DIDO1: variants seen among roughly 807,000 people sequenced by gnomAD.
DIDO1 encodes death-inducer obliterator 1.
In DIDO1, 16 loss-of-function variants were observed where a neutral mutation model predicts 99.4. The ratio of observed to expected loss-of-function variants is 0.16; its 90% CI spans 0.11 to 0.24. The LOEUF (loss-of-function observed/expected upper bound fraction) is 0.24. DIDO1 is among the 10% of genes least tolerant of loss of function. The pLI is 1.00. For missense variants in DIDO1, 2,996 were observed against 3,014.0 expected (o/e 0.99, Z 0.14); for synonymous variants, 1,366 against 1,239.1 (o/e 1.10, Z -2.15).
intron 15 of DIDO1, 162 bp downstream of exon 15, chr20:62,890,798 T>G: frequency 2.0e-6 from 3 of 1,487,234 alleles, no homozygotes; most frequent in Non-Finnish European, 2.7e-6. Flanking sequence ...GCCACAGTCC[T>G]ACGCCCTCAA....
chr20:62,922,100 C>CACACACACA (rs2065156952), intron 1 of DIDO1, among the ~76,000 whole-genome samples: 7 of 69,544 alleles, frequency 1.0e-4, no homozygotes, highest in African/African-American at 4.0e-4. Flanking sequence ...TATATACACA[C>CACACACACA]TATATATATA....
intron 1 of DIDO1, among the ~76,000 whole-genome samples, chr20:62,918,551 C>A (rs141440144): frequency 6.6e-6 from 1 of 152,190 alleles, no homozygotes; most frequent in Non-Finnish European, 1.5e-5. Context: ...CATAACATCG[C>A]ACCTCCAGGA....
intron 5 of DIDO1, among the ~76,000 whole-genome samples, 175 bp from the exon 6 acceptor site, chr20:62,906,275 C>T (rs561074752): frequency 1.3e-5 from 2 of 152,176 alleles, no homozygotes; most frequent in East Asian, 1.9e-4. Flanking sequence ...TCGGTGGGCC[C>T]GCGGTGGGCC....
chr20:62,916,647 C>T (rs1176623667), intron 1 of DIDO1, among the ~76,000 whole-genome samples: 1 of 152,056 alleles, frequency 6.6e-6, no homozygotes, highest in African/African-American at 2.4e-5. Context: ...CTGGCATAAC[C>T]GAAGACAGCT....
chr20:62,909,249 G>A lies in DIDO1; in HGVS notation c.1161+450C>T, dbSNP rs1212870868. Reference sequence around the variant, plus strand: ...CAAACACAAGACAGCAGCAGAAGCTGACAGCATGTGGGAAATGTCATAAAC... The same window carrying A: ...CAAACACAAGACAGCAGCAGAAGCTAACAGCATGTGGGAAATGTCATAAAC... On this transcript the variant is annotated intron_variant, in intron 4 of 15. Transcript: ENST00000395343. Among the ~76,000 whole-genome samples, 9 of 152,360 alleles carry A rather than the reference G, an allele frequency of 5.9e-5. No homozygotes were observed. The East Asian group carries it at 1.7e-3, about 29-fold the overall frequency.
chr20:62,901,671 T>C (rs766095652), intron 6 of DIDO1, among the ~76,000 whole-genome samples: 22 of 152,170 alleles, frequency 1.4e-4, no homozygotes, highest in African/African-American at 5.3e-4. Context: ...AAGCTCTTCT[T>C]GCCGAACTCT....
chr20:62,934,530 AC>A (rs901183083), intron 1 of DIDO1, among the ~76,000 whole-genome samples: 1 of 151,186 alleles, frequency 6.6e-6, no homozygotes, highest in African/African-American at 2.4e-5. Flanking sequence ...ATTATCCTTG[AC>A]CCCCCTCCCT....
At chr20:62,906,240 G>C (rs1189595569) in intron 5 of DIDO1, 140 bp from the exon 6 acceptor site, 32 of 1,161,574 alleles carry the variant, frequency 2.8e-5, no homozygotes, top group Non-Finnish European at 3.4e-5. Context: ...CGCCTGCTTG[G>C]CAGCAGTTCA....
intron 15 of DIDO1, chr20:62,888,060 GC>G (rs1444000737): frequency 2.0e-6 from 2 of 985,424 alleles, no homozygotes; most frequent in Non-Finnish European, 2.4e-6. Flanking sequence ...CACTCTCACT[GC>G]CCGACAAGGG....
chr20:62,880,687 C>T lies in DIDO1; in HGVS notation c.5269G>A (p.Gly1757Arg). 6.8e-6 allele frequency: 11 copies of T among 1,612,772 alleles called. No individual in the cohort carries two copies. The highest frequency in any genetic ancestry group is 1.1e-5 in the South Asian group (1 of 91,090). Residue 1757 changes from glycine (G) to arginine (R), a missense_variant, in exon 16 of 16, where the codon GGA (glycine) becomes AGA (arginine). Physicochemically the swap from Gly to Arg is moderately radical, Grantham distance 125 (BLOSUM62 -2). This residue lies in a region of DIDO1 where 1,562 missense variants were observed against 1,412.6 expected (regional missense o/e 1.11). Transcript: ENST00000395343. ...CCTGACATCCCCAAAGCATGAGGTC[C>T]AGGTTCCCGCTGACCCTGAAACGGG... is the stretch of plus-strand genomic sequence containing the variant. ...QPPFQGQREP[G>R]PHALGMSGLH...
intron 14 of DIDO1, among the ~76,000 whole-genome samples, chr20:62,891,596 AC>A (rs773720522): frequency 6.6e-6 from 1 of 152,146 alleles, no homozygotes; most frequent in Admixed American, 6.5e-5. Flanking sequence ...GAGCCTGATC[AC>A]CCCTGCAAAA....
At chr20:62,917,860 C>G (rs1451972320) in intron 1 of DIDO1, among the ~76,000 whole-genome samples, 1 of 152,166 alleles carries the variant, frequency 6.6e-6, no homozygotes, top group African/African-American at 2.4e-5. Context: ...AAGGCCTGTA[C>G]TATTAGACTA....
At chr20:62,915,039 G>C (rs1013692775) in intron 1 of DIDO1, among the ~76,000 whole-genome samples, 1 of 152,072 alleles carries the variant, frequency 6.6e-6, no homozygotes, top group African/African-American at 2.4e-5. Context: ...TTCTAGCTAG[G>C]TCCTTGCCCC....
chr20:62,904,780 C>CAAAAAAAAAAAAAAAAAA lies in DIDO1; in HGVS notation c.1588+1089_1588+1106dup, dbSNP rs58039393. Among the ~76,000 whole-genome samples, 22 of 62,622 alleles carry CAAAAAAAAAAAAAAAAAA rather than the reference C, an allele frequency of 3.5e-4. 2 individuals are homozygous for CAAAAAAAAAAAAAAAAAA. The highest frequency in any genetic ancestry group is 8.5e-4 in the East Asian group (2 of 2,346). 41.1% of individuals were successfully genotyped at this position (62,622 alleles called of 152,430 possible). ...GGGTGACAGAGCAAGACTCTTGTCTCAAAAAAAAAAAAAAAAAAAAAAAAA... is the reference window on the plus strand; with the variant it reads ...GGGTGACAGAGCAAGACTCTTGTCTCAAAAAAAAAAAAAAAAAAAAAAAAAAAAAAAAAAAAAAAAAAA... On this transcript the variant is annotated intron_variant, in intron 6 of 15. Coordinates refer to ENST00000395343, the MANE Select transcript of DIDO1 (RefSeq NM_001193369.2).
At chr20:62,898,301 T>C (rs899588544) in intron 6 of DIDO1, among the ~76,000 whole-genome samples, 6 of 152,218 alleles carry the variant, frequency 3.9e-5, no homozygotes, top group African/African-American at 1.4e-4. Flanking sequence ...CTTGGCCACG[T>C]TGGCAGCGGG....
chr20:62,904,027 G>A (rs759025682), intron 6 of DIDO1, among the ~76,000 whole-genome samples: 6 of 152,104 alleles, frequency 3.9e-5, no homozygotes, highest in African/African-American at 7.2e-5. Flanking sequence ...CAATGTACAC[G>A]GACTCTTCCA....
chr20:62,911,039 G>T lies in DIDO1; in HGVS notation c.574C>A (p.Arg192Ser). The T allele has an allele frequency of 6.2e-7, 1 of 1,613,560 alleles. No individual in the cohort carries two copies. ...KGIQSRLRKKRREEGPAETVG... is the reference protein window; with the variant it reads ...KGIQSRLRKKSREEGPAETVG... ...GTCTCGGCGGGACCCTCCTCCCGGC[G>T]CTTCTTCCGCAGGCGACTCTGGATC... Residue 192 changes from arginine to serine, a missense_variant, in exon 3 of 16, where the codon CGC (arginine) becomes AGC (serine). Arg to Ser is a moderately radical substitution (Grantham distance 110, BLOSUM62 -1). Coordinates refer to ENST00000395343, the MANE Select transcript of DIDO1 (RefSeq NM_001193369.2). This position sits in a 1 kb window ranked among gnomAD's most constrained non-coding sequence, Gnocchi z 7.0.
At chr20:62,890,660 T>C (rs2064377726) in intron 15 of DIDO1, 4 of 1,253,082 alleles carry the variant, frequency 3.2e-6, no homozygotes, top group South Asian at 1.8e-5. Flanking sequence ...TGGCTGAGCC[T>C]TGGGCTTCTG....
At chr20:62,901,817 G>GAAA (rs11467476) in intron 6 of DIDO1, among the ~76,000 whole-genome samples, 15 of 113,058 alleles carry the variant, frequency 1.3e-4, no homozygotes, top group African/African-American at 4.1e-4. Context: ...TGTGTTAACA[G>GAAA]AAAAAAAAAA....
Sources: allele counts gnomAD v4.1 joint callset (sites outside exome capture counted in the v4.1 genomes callset), GRCh38; gene constraint gnomAD v4.1.1; regional missense constraint gnomAD v4.1.1; non-coding constraint Gnocchi (gnomAD v3.1); transcripts MANE v1.5; gene names NCBI Gene and HGNC (gene_info 2026-07-23, HGNC 2026-07-21).